MAML3: variants seen among roughly 807,000 people sequenced by gnomAD.
The protein encoded by MAML3 is mastermind like transcriptional coactivator 3.
MAML3 carries 27 observed loss-of-function variants against 101.9 expected under a neutral mutation model. The ratio of observed to expected loss-of-function variants is 0.27; its 90% CI spans 0.20 to 0.37. The LOEUF (loss-of-function observed/expected upper bound fraction) is 0.37, where lower values mean the gene tolerates loss of function less well. MAML3 is among the 10% of genes least tolerant of loss of function. The pLI, the probability that MAML3 is intolerant of heterozygous loss-of-function variation, is 1.00. For synonymous variants in MAML3, 501 were observed against 555.9 expected (o/e 0.90, Z 1.39); for missense variants, 1,316 against 1,444.9 (o/e 0.91, Z 1.45).
At chr4:139,821,255 C>T (rs757187045) in intron 2 of MAML3, among the ~76,000 whole-genome samples, 4 of 152,136 alleles carry the variant, frequency 2.6e-5, no homozygotes, top group Admixed American at 6.5e-5. Flanking sequence ...GCTACCAGTC[C>T]GTGGCCTGTT....
chr4:139,747,016 T>C (rs894657150), intron 2 of MAML3, among the ~76,000 whole-genome samples: 2 of 152,150 alleles, frequency 1.3e-5, no homozygotes, highest in African/African-American at 4.8e-5. Flanking sequence ...AGCAATTGCT[T>C]CTCACTGTTC....
chr4:140,104,376 A>ATTTT (rs1553976036), intron 1 of MAML3, among the ~76,000 whole-genome samples: 1 of 69,374 alleles, frequency 1.4e-5, no homozygotes, highest in East Asian at 4.7e-4. Flanking sequence ...ATATATATAT[A>ATTTT]ATATATATAT....
intron 1 of MAML3, among the ~76,000 whole-genome samples, chr4:139,928,631 C>T (rs1733316484): frequency 6.6e-6 from 1 of 152,000 alleles, no homozygotes; most frequent in Non-Finnish European, 1.5e-5. Context: ...CAAAAAGGAA[C>T]AGAAGTAAGG....
chr4:139,969,792 G>A (rs1055968749), intron 1 of MAML3, among the ~76,000 whole-genome samples: 6 of 151,986 alleles, frequency 3.9e-5, no homozygotes, highest in African/African-American at 1.5e-4. Context: ...CCTCAACCTC[G>A]CTGCCACTAT....
intron 1 of MAML3, among the ~76,000 whole-genome samples, chr4:140,010,753 T>C (rs1441186875): frequency 6.6e-6 from 1 of 152,096 alleles, no homozygotes; most frequent in Non-Finnish European, 1.5e-5. Context: ...GATAAAAATA[T>C]CAAGCTATTT....
At chr4:140,151,520 G>T (rs1741388944) in intron 1 of MAML3, among the ~76,000 whole-genome samples, 1 of 152,150 alleles carries the variant, frequency 6.6e-6, no homozygotes, top group South Asian at 2.1e-4. Context: ...GGGACTCACA[G>T]ACCGGGAACG....
At position 140,152,991 on chromosome 4, in the gene MAML3, G is replaced by C. The variant is rs1465156255; in HGVS notation, c.337C>G (p.Leu113Val). Residue 113 changes from leucine to valine, a missense_variant, in exon 1 of 5, where the codon CTC (leucine) becomes GTC (valine). By Grantham distance (32) the Leu-to-Val change is conservative. Coordinates refer to ENST00000509479, the MANE Select transcript of MAML3 (RefSeq NM_018717.5). ...LELERRDTVS[L>V]YQRTLEQRAK... ...CTCTGCTCCAGGGTCCGCTGGTAGA[G>C]GCTCACGGTGTCCCGGCGCTCCAGC... is the stretch of plus-strand genomic sequence containing the variant. 15 of 1,609,288 alleles carry C rather than the reference G, an allele frequency of 9.3e-6. No homozygotes were observed. Among genetic ancestry groups the C allele is most frequent in the Non-Finnish European group, 1.3e-5 (15 of 1,178,014 alleles).
At chr4:139,763,536 G>C (rs1351094083) in intron 2 of MAML3, among the ~76,000 whole-genome samples, 1 of 151,920 alleles carries the variant, frequency 6.6e-6, no homozygotes, top group Non-Finnish European at 1.5e-5. Context: ...GGTTCAGGGG[G>C]AGCCGAAATG....
chr4:139,836,381 T>A (rs1269161270), intron 2 of MAML3, among the ~76,000 whole-genome samples: 1 of 152,064 alleles, frequency 6.6e-6, no homozygotes, highest in Non-Finnish European at 1.5e-5. Flanking sequence ...ATCAATGCCA[T>A]AAAAATCACA....
intron 2 of MAML3, among the ~76,000 whole-genome samples, chr4:139,765,511 T>A (rs1290384140): frequency 6.6e-6 from 1 of 152,250 alleles, no homozygotes; most frequent in African/African-American, 2.4e-5. Flanking sequence ...GCTAAAGGAT[T>A]CCAATGTAAT....
In MAML3 at chr4:140,154,123, C is replaced by T. The variant is rs991438113; in HGVS notation, c.-796G>A. The stretch of plus-strand genomic sequence containing the variant: ...ATCAACTGCTCGCCGCCGCCGCCGC[C>T]GCCGCCTCCTCCTCCTCCTCTCGCT... On this transcript the variant is annotated 5_prime_UTR_variant, in exon 1 of 5. Transcript: ENST00000509479. 13 of 182,484 alleles carry T rather than the reference C, an allele frequency of 7.1e-5. No homozygotes were observed. The highest frequency in any genetic ancestry group is 1.1e-4 in the Non-Finnish European group (10 of 87,266). The allele number at this position is 182,484 out of a possible 1,614,324, so 11.3% of individuals were successfully genotyped here. A position where few individuals can be genotyped will look rare whatever the true frequency, so the allele number is the denominator to read the frequency against.
At chr4:139,900,135 T>C (rs1354940810) in intron 1 of MAML3, among the ~76,000 whole-genome samples, 1 of 152,224 alleles carries the variant, frequency 6.6e-6, no homozygotes, top group Non-Finnish European at 1.5e-5. Context: ...GACCATGATC[T>C]TTTTTCTTTC....
intron 3 of MAML3, among the ~76,000 whole-genome samples, chr4:139,730,005 A>G (rs183681830): frequency 6.6e-6 from 1 of 152,212 alleles, no homozygotes; most frequent in East Asian, 1.9e-4. Flanking sequence ...CTTCCTGTCA[A>G]TTTCCTCTAA....
intron 1 of MAML3, among the ~76,000 whole-genome samples, chr4:140,013,274 C>T (rs944830807): frequency 1.3e-5 from 2 of 152,200 alleles, no homozygotes; most frequent in East Asian, 3.9e-4. Flanking sequence ...TCCCTACAGT[C>T]CATGAACACA....
At chr4:139,994,254 T>C (rs559274437) in intron 1 of MAML3, among the ~76,000 whole-genome samples, 1 of 152,376 alleles carries the variant, frequency 6.6e-6, no homozygotes, top group Non-Finnish European at 1.5e-5. Context: ...ATTTTACAGT[T>C]TTCAGTGTAT....
At chr4:139,996,173 G>A (rs1210941305) in intron 1 of MAML3, among the ~76,000 whole-genome samples, 3 of 152,106 alleles carry the variant, frequency 2.0e-5, no homozygotes, top group Non-Finnish European at 4.4e-5. Flanking sequence ...CTAGCATACA[G>A]TATATTCTGA....
At chr4:139,767,953 G>C (rs1016119121) in intron 2 of MAML3, among the ~76,000 whole-genome samples, 1 of 152,174 alleles carries the variant, frequency 6.6e-6, no homozygotes, top group Non-Finnish European at 1.5e-5. Flanking sequence ...TTCTAGATGA[G>C]GTTATGTCAA....
At chr4:139,930,864 C>G (rs1733377673) in intron 1 of MAML3, among the ~76,000 whole-genome samples, 1 of 151,506 alleles carries the variant, frequency 6.6e-6, no homozygotes, top group Non-Finnish European at 1.5e-5. Flanking sequence ...TTTTAAGCTT[C>G]TAGTTAGGAA....
rs551010631 is a variant in MAML3, at chr4:140,106,705, T to C, written c.468+46155A>G. ...TTACCTTTTTTCTTAATCATTGGTG[T>C]TGCAACTACCCAGACTATTTGTAAA... On this transcript the variant is annotated intron_variant, in intron 1 of 4. Transcript: ENST00000509479. Among the ~76,000 whole-genome samples, 16 of 152,356 alleles carry C rather than the reference T, an allele frequency of 1.1e-4. 1 individual carries two copies. The South Asian group carries it at 3.3e-3, about 32-fold the overall frequency.
Sources: allele counts gnomAD v4.1 joint callset (sites outside exome capture counted in the v4.1 genomes callset), GRCh38; gene constraint gnomAD v4.1.1; transcripts MANE v1.5; gene names NCBI Gene and HGNC (gene_info 2026-07-23, HGNC 2026-07-21).